CSNK1E: variants seen among roughly 807,000 people sequenced by gnomAD.
CSNK1E encodes casein kinase I isoform epsilon.
CSNK1E carries 17 observed loss-of-function variants against 46.1 expected under a neutral mutation model. The ratio of observed to expected loss-of-function variants is 0.37; its 90% CI spans 0.25 to 0.55. CSNK1E has a LOEUF of 0.55. Among genes scored for constraint, CSNK1E ranks in the 20% least tolerant of loss-of-function variants. The pLI is 0.82. For synonymous variants in CSNK1E, 241 were observed against 242.6 expected (o/e 0.99, Z 0.06); for missense variants, 386 against 595.4 (o/e 0.65, Z 3.66).
chr22:38,310,895 T>C (rs1340466421), intron 2 of CSNK1E, among the ~76,000 whole-genome samples: 1 of 152,062 alleles, frequency 6.6e-6, no homozygotes, highest in Non-Finnish European at 1.5e-5. Flanking sequence ...GGCCAGAGTG[T>C]TGAATAAATG....
intron 1 of CSNK1E, among the ~76,000 whole-genome samples, chr22:38,315,626 T>C (rs1183195242): frequency 1.4e-5 from 2 of 143,424 alleles, no homozygotes; most frequent in African/African-American, 2.6e-5. Context: ...GTGAGCCCTG[T>C]TGGGGGGTAA....
At position 38,298,883 on chromosome 22, in the gene CSNK1E, T is replaced by C; in HGVS notation, c.788A>G (p.Lys263Arg). 1.2e-6 allele frequency: 2 copies of C among 1,614,132 alleles called. No individual in the cohort carries two copies. The highest frequency in any genetic ancestry group is 4.5e-5 in the East Asian group (2 of 44,882). Residue 263 changes from lysine to arginine, a missense_variant, in exon 7 of 11, where the codon AAG (lysine) becomes AGG (arginine). This residue lies in a region of CSNK1E where 212 missense variants were observed against 410.2 expected (regional missense o/e 0.52). Coordinates refer to ENST00000396832, the MANE Select transcript of CSNK1E (RefSeq NM_152221.3). The surrounding 1 kb of genome is among the most constrained non-coding windows in gnomAD (Gnocchi z 4.2). The part of the protein sequence containing the change: ...NFCRSLRFDD[K>R]PDYSYLRQLF... ...CTGACGTAGGTAAGAGTAGTCGGGC[T>C]TGTCGTCAAACCGCAGGGAGCGGCA...
intron 7 of CSNK1E, chr22:38,296,360 TGA>T (rs2092640452): frequency 1.0e-5 from 14 of 1,390,884 alleles, no homozygotes; most frequent in Non-Finnish European, 7.4e-6. Context: ...CTGTATGTGC[TGA>T]GAGTGGCTTC....
Position 38,300,944 on chromosome 22 carries a change from G to T in CSNK1E, c.345C>A (p.Arg115=). 1 of 1,614,122 alleles carries T rather than the reference G, an allele frequency of 6.2e-7. No homozygotes were observed. Among genetic ancestry groups the T allele is most frequent in the Non-Finnish European group, 8.5e-7 (1 of 1,179,964 alleles). Residue 115 remains arginine, a synonymous_variant, in exon 5 of 11, where the codon CGC becomes CGA. Coordinates refer to ENST00000396832, the MANE Select transcript of CSNK1E (RefSeq NM_152221.3). The surrounding 1 kb of genome is among the most constrained non-coding windows in gnomAD (Gnocchi z 4.4). The part of the protein sequence containing the change: ...VLLLADQMIS[R]IEYIHSKNFI... ...AGTTCTTGGAGTGGATATACTCGAT[G>T]CGGCTGATCTGGGGAGGAGGGGGGC... is the stretch of plus-strand genomic sequence containing the variant.
intron 7 of CSNK1E, chr22:38,296,831 G>A: frequency 1.0e-6 from 1 of 980,786 alleles, no homozygotes. Flanking sequence ...CTGGAGGGCA[G>A]TGGCATGATC....
At position 38,291,016 on chromosome 22, in the gene CSNK1E, A is replaced by C. The variant is rs1185642745; in HGVS notation, c.*955T>G. ...CAGCCCTGACTCCAGGCTCCTCCTC[A>C]GAAAGGTGGAACCAGGGAGAGGGGG... On this transcript the variant is annotated 3_prime_UTR_variant, in exon 11 of 11. Coordinates refer to ENST00000396832, the MANE Select transcript of CSNK1E (RefSeq NM_152221.3). The C allele has an allele frequency of 1.3e-5, 2 of 152,380 alleles. No individual in the cohort carries two copies. The highest frequency in any genetic ancestry group is 2.9e-5 in the Non-Finnish European group (2 of 68,050). 9.4% of individuals were successfully genotyped at this position (152,380 alleles called of 1,614,324 possible).
At position 38,299,944 on chromosome 22, in the gene CSNK1E, G is replaced by A. The variant is rs370345548; in HGVS notation, c.687C>T (p.Ser229=). The A allele has an allele frequency of 2.5e-5, 40 of 1,614,068 alleles. No individual in the cohort carries two copies. The highest frequency in any genetic ancestry group is 5.3e-5 in the African/African-American group (4 of 74,944). Residue 229 remains serine (S), a synonymous_variant, in exon 6 of 11, where the codon AGC becomes AGT. Transcript: ENST00000396832. ...CGATGGGCGTTGACATCTTCTTCTCGCTGATCCGTTCATACTTCTGGCGCT... is the reference window on the plus strand; with the variant it reads ...CGATGGGCGTTGACATCTTCTTCTCACTGATCCGTTCATACTTCTGGCGCT... ...ATKRQKYERI[S]EKKMSTPIEV... is the part of the protein sequence containing the mutation.
intron 2 of CSNK1E, among the ~76,000 whole-genome samples, chr22:38,310,192 T>C (rs1401285006): frequency 6.6e-6 from 1 of 152,100 alleles, no homozygotes; most frequent in Non-Finnish European, 1.5e-5. Flanking sequence ...GTGCCCCACA[T>C]GCGAAGGCCT....
At chr22:38,314,706 C>T (rs1049082809) in intron 1 of CSNK1E, among the ~76,000 whole-genome samples, 4 of 152,218 alleles carry the variant, frequency 2.6e-5, no homozygotes, top group African/African-American at 7.2e-5. Context: ...CTTGGATAAA[C>T]TGTTTGGAGC....
chr22:38,314,011 C>T, intron 2 of CSNK1E, 71 bp downstream of exon 2: 2 of 1,376,902 alleles, frequency 1.5e-6, no homozygotes, highest in Non-Finnish European at 2.1e-6. Context: ...ATCCCCAAAT[C>T]CTGGGGTCTT....
intron 2 of CSNK1E, among the ~76,000 whole-genome samples, chr22:38,307,318 A>G (rs898885189): frequency 1.2e-4 from 18 of 152,220 alleles, no homozygotes; most frequent in Admixed American, 1.0e-3. Flanking sequence ...TGGGAGGCTG[A>G]GGCAGGCGGA....
In CSNK1E at chr22:38,303,052, G is replaced by GTTA; in HGVS notation, c.188-44_188-43insTAA. On this transcript the variant is annotated intron_variant, in intron 3 of 10. Transcript: ENST00000396832. The surrounding 1 kb of genome is among the most constrained non-coding windows in gnomAD (Gnocchi z 4.7). ...GGCCTCTGTCAGGGGTCAGAGGCAG[G>GTTA]CAGCCAGCCACGCCCGGCCCACCCT... The GTTA allele has an allele frequency of 1.2e-6, 1 of 862,492 alleles. No individual in the cohort carries two copies. The highest frequency in any genetic ancestry group is 1.7e-6 in the Non-Finnish European group (1 of 575,568). 53.4% of individuals were successfully genotyped at this position (862,492 alleles called of 1,614,324 possible).
rs1469211537 is a variant in CSNK1E at position 38,298,094 on chromosome 22, CAGTACGTGGGTG to C, written c.885+680_885+691del. The C allele has an allele frequency of 2.5e-6, 3 of 1,217,820 alleles. No homozygotes were observed. The highest frequency in any genetic ancestry group is 1.1e-6 in the Non-Finnish European group (1 of 945,740). The allele number at this position is 1,217,820 out of a possible 1,614,324, so 75.4% of individuals were successfully genotyped here. On this transcript the variant is annotated intron_variant, in intron 7 of 10. Coordinates refer to ENST00000396832, the MANE Select transcript of CSNK1E (RefSeq NM_152221.3). This position sits in a 1 kb window ranked among gnomAD's most constrained non-coding sequence, Gnocchi z 4.2. ...AAGCCAGACCTCAGAGGATCCTTAC[CAGTACGTGGGTG>C]AGTACGTGGGCCCAGCACAGGGACA... is the stretch of plus-strand genomic sequence containing the variant.
rs1276721779 is a variant in CSNK1E, at chr22:38,291,954, GAA to G, written c.*33-18_*33-17del. On this transcript the variant is annotated splice_polypyrimidine_tract_variant and intron_variant, in intron 10 of 10. Transcript: ENST00000396832. ...AGTGAAGACACTAGAAGGGAGAAGGGAAAAGACAGGTGAGGTACACAGCTGTC... is the reference window on the plus strand; with the variant it reads ...AGTGAAGACACTAGAAGGGAGAAGGGAAGACAGGTGAGGTACACAGCTGTC... 7.4e-6 allele frequency: 1 copy of G among 135,088 alleles called. No homozygotes were observed. The highest frequency in any genetic ancestry group is 1.5e-5 in the Non-Finnish European group (1 of 64,766). The allele number at this position is 135,088 out of a possible 1,614,324, so 8.4% of individuals were successfully genotyped here.
In CSNK1E at chr22:38,297,715, C is replaced by T. The variant is rs965804611; in HGVS notation, c.885+1071G>A. On this transcript the variant is annotated intron_variant, in intron 7 of 10. Transcript: ENST00000396832. The stretch of plus-strand genomic sequence containing the variant: ...CCACCAGGCCCCTTGTGGGCAGTGG[C>T]CACCATCCCTCCCTCAGGCTGTCCT... 8 of 994,908 alleles carry T rather than the reference C, an allele frequency of 8.0e-6. No homozygotes were observed. The Admixed American group carries it at 3.9e-4, about 48-fold the overall frequency. The allele number at this position is 994,908 out of a possible 1,614,324, so 61.6% of individuals were successfully genotyped here. A position where few individuals can be genotyped will look rare whatever the true frequency, so the allele number is the denominator to read the frequency against.
At chr22:38,312,311 G>A (rs527766906) in intron 2 of CSNK1E, among the ~76,000 whole-genome samples, 2 of 152,260 alleles carry the variant, frequency 1.3e-5, no homozygotes, top group Admixed American at 6.5e-5. Flanking sequence ...AGTTGGTTTC[G>A]AACTCCTGGA....
intron 2 of CSNK1E, among the ~76,000 whole-genome samples, chr22:38,313,677 T>C (rs1243526725): frequency 6.6e-6 from 1 of 151,988 alleles, no homozygotes; most frequent in Non-Finnish European, 1.5e-5. Context: ...GGCCAGGACA[T>C]AGAGAGGGGG....
chr22:38,296,823 G>GCCCTCCA, intron 7 of CSNK1E: 6 of 1,043,310 alleles, frequency 5.8e-6, no homozygotes, highest in South Asian at 1.5e-5. Flanking sequence ...GGTGGCCACT[G>GCCCTCCA]GAGGGCAGTG....
At chr22:38,296,416 A>G (rs1416248650) in intron 7 of CSNK1E, 1 of 1,430,074 alleles carries the variant, frequency 7.0e-7, no homozygotes, top group Non-Finnish European at 9.2e-7. Context: ...GGTGCAGCCA[A>G]CAACACAGGG....
Sources: allele counts gnomAD v4.1 joint callset (sites outside exome capture counted in the v4.1 genomes callset), GRCh38; gene constraint gnomAD v4.1.1; regional missense constraint gnomAD v4.1.1; non-coding constraint Gnocchi (gnomAD v3.1); transcripts MANE v1.5; gene names NCBI Gene and HGNC (gene_info 2026-07-23, HGNC 2026-07-21).